Variants in ANKS1B observed in about 807,000 individuals in gnomAD.
ANKS1B encodes the protein ankyrin repeat and sterile alpha motif domain containing 1B, also known as ankyrin repeat and sterile alpha motif domain-containing protein 1B.
A neutral mutation model predicts 148.3 loss-of-function variants in ANKS1B; 36 were observed. The observed-to-expected ratio is 0.24, with a 90% confidence interval of 0.19 to 0.32. The LOEUF is 0.32. Among genes scored for constraint, ANKS1B ranks in the 10% least tolerant of loss-of-function variants. The pLI is 1.00. For missense variants in ANKS1B, 1,157 were observed against 1,542.6 expected, an observed-to-expected ratio of 0.75 and a Z score of 4.19; for synonymous variants, 542 against 560.8, an observed-to-expected ratio of 0.97 and a Z score of 0.47.
intron 17 of ANKS1B, among the ~76,000 whole-genome samples, chr12:98,835,737 GGATAGAT>G (rs111370751): frequency 0.049 from 7,441 of 152,146 alleles, 602 homozygotes; most frequent in African/African-American, 0.17. Flanking sequence ...ATGGATTGAT[GGATAGAT>G]GATAGATGAT....
chr12:98,909,946 G>C (rs2099784517), intron 17 of ANKS1B, among the ~76,000 whole-genome samples: 1 of 152,224 alleles, frequency 6.6e-6, no homozygotes. Context: ...CCGGGAATCA[G>C]CTGCCAGCAG....
intron 9 of ANKS1B, among the ~76,000 whole-genome samples, chr12:99,534,710 C>CTTTT (rs143251962): frequency 9.7e-5 from 12 of 123,812 alleles, no homozygotes; most frequent in African/African-American, 1.8e-4. Flanking sequence ...TTTTTCTTTT[C>CTTTT]TTTTTTTTTT....
At chr12:98,863,701 A>AG (rs2099610914) in intron 17 of ANKS1B, among the ~76,000 whole-genome samples, 1 of 152,256 alleles carries the variant, frequency 6.6e-6, no homozygotes. Context: ...TATTGAGTAT[A>AG]GATCACTAAT....
intron 8 of ANKS1B, 44 bp downstream of exon 8, chr12:99,772,869 ACTGAACTGG>A (rs1251779687): frequency 1.9e-6 from 3 of 1,548,368 alleles, no homozygotes; most frequent in Admixed American, 3.7e-5. Context: ...AAGTGTACAC[ACTGAACTGG>A]CAAAGACAGA....
chr12:99,910,538 T>C (rs1188150696), intron 1 of ANKS1B, among the ~76,000 whole-genome samples: 1 of 152,120 alleles, frequency 6.6e-6, no homozygotes, highest in Non-Finnish European at 1.5e-5. Flanking sequence ...AGTAATTGTC[T>C]ACACTGGGGA....
At chr12:99,531,922 T>C (rs1408943618) in intron 9 of ANKS1B, among the ~76,000 whole-genome samples, 2 of 152,224 alleles carry the variant, frequency 1.3e-5, no homozygotes, top group Non-Finnish European at 2.9e-5. Flanking sequence ...TGTAGCTCAC[T>C]GTGGTTTTAA....
At chr12:99,812,661 T>C (rs2068580810) in intron 2 of ANKS1B, among the ~76,000 whole-genome samples, 1 of 151,424 alleles carries the variant, frequency 6.6e-6, no homozygotes, top group South Asian at 2.1e-4. Flanking sequence ...TTTCATTAAT[T>C]AGATGAGCTA....
chr12:99,680,471 C>T lies in ANKS1B; in HGVS notation c.1129-25261G>A, dbSNP rs141590457. Among the ~76,000 whole-genome samples, 739 of 151,576 alleles carry T rather than the reference C, an allele frequency of 4.9e-3. 5 individuals are homozygous for T. The highest frequency in any genetic ancestry group is 0.01 in the South Asian group (50 of 4,796). On this transcript the variant is annotated intron_variant, in intron 8 of 26. Transcript: ENST00000683438. ...GAAGAAGAAGCAGCAGCAGGAAGAG[C>T]CCTGTAGGCAGTCTCAGGGGAGCCA...
chr12:99,432,770 C>T (rs554814422), intron 11 of ANKS1B, among the ~76,000 whole-genome samples: 3 of 152,204 alleles, frequency 2.0e-5, no homozygotes, highest in African/African-American at 7.2e-5. Context: ...AAGGGCTTTC[C>T]AGACAATTCA....
chr12:99,237,053 G>T (rs755380082), intron 14 of ANKS1B, among the ~76,000 whole-genome samples: 16 of 152,118 alleles, frequency 1.1e-4, no homozygotes, highest in Admixed American at 6.5e-5. Flanking sequence ...CATGATACAA[G>T]TTTACCTATG....
chr12:99,772,639 C>G (rs181010667), intron 8 of ANKS1B: 84 of 227,426 alleles, frequency 3.7e-4, no homozygotes, highest in African/African-American at 1.8e-3. Flanking sequence ...CCCAGTAAAA[C>G]TAAAGGAACA....
intron 14 of ANKS1B, among the ~76,000 whole-genome samples, chr12:99,188,484 TAACA>T (rs1351730379): frequency 4.6e-5 from 7 of 152,272 alleles, no homozygotes; most frequent in Admixed American, 1.3e-4. Flanking sequence ...ACGGAAATCA[TAACA>T]AACAGTCTCT....
At chr12:99,854,309 G>A (rs939105980) in intron 1 of ANKS1B, among the ~76,000 whole-genome samples, 2 of 152,140 alleles carry the variant, frequency 1.3e-5, no homozygotes, top group African/African-American at 2.4e-5. Flanking sequence ...ACCACTCCCG[G>A]CCAAGACAAG....
intron 1 of ANKS1B, among the ~76,000 whole-genome samples, chr12:99,894,785 ATAT>A (rs2093322551): frequency 6.8e-6 from 1 of 147,926 alleles, no homozygotes; most frequent in Admixed American, 6.8e-5. Flanking sequence ...AATAATAATA[ATAT>A]ATCCAACAAT....
intron 19 of ANKS1B, among the ~76,000 whole-genome samples, chr12:98,827,119 A>G (rs1400761381): frequency 6.6e-6 from 1 of 152,166 alleles, no homozygotes; most frequent in Non-Finnish European, 1.5e-5. Context: ...TCATTGCTCC[A>G]TGGGTTTTGG....
At chr12:99,124,421 T>C (rs1288650310) in intron 15 of ANKS1B, among the ~76,000 whole-genome samples, 3 of 151,472 alleles carry the variant, frequency 2.0e-5, no homozygotes, top group Non-Finnish European at 4.4e-5. Context: ...TGTGTGCATG[T>C]GTGTGTGTGT....
chr12:99,305,055 G>A (rs903903552), intron 12 of ANKS1B, among the ~76,000 whole-genome samples: 2 of 152,078 alleles, frequency 1.3e-5, no homozygotes, highest in African/African-American at 2.4e-5. Context: ...CATAGCAGAA[G>A]GCCAAGGGCG....
intron 16 of ANKS1B, among the ~76,000 whole-genome samples, chr12:99,079,296 C>T (rs1281303142): frequency 1.3e-5 from 2 of 152,116 alleles, no homozygotes; most frequent in Admixed American, 1.3e-4. Flanking sequence ...ATTGGAATAA[C>T]AGCAAAAATT....
chr12:99,545,865 A>G (rs2097168627), intron 9 of ANKS1B, among the ~76,000 whole-genome samples: 2 of 151,568 alleles, frequency 1.3e-5, no homozygotes, highest in East Asian at 3.9e-4. Context: ...CTTTACCTAT[A>G]TCCAATAACA....
Sources: gnomAD v4.1 joint callset for allele counts (sites outside exome capture counted in the v4.1 genomes callset) on GRCh38, gnomAD v4.1.1 for gene constraint, MANE v1.5 for transcripts, NCBI Gene and HGNC (gene_info 2026-07-23, HGNC 2026-07-21) for gene names.